The following MARF1 variants were observed in gnomAD, a reference collection of about 807,000 sequenced individuals.
MARF1 encodes limkain-b1.
MARF1 carries 24 observed loss-of-function variants against 168.2 expected under a neutral mutation model. That is an observed-to-expected ratio of 0.14 (90% confidence interval 0.10 to 0.20). MARF1 has a LOEUF of 0.20. Among genes scored for constraint, MARF1 ranks in the 10% least tolerant of loss-of-function variants. The pLI is 1.00. For synonymous variants in MARF1, 868 were observed against 822.4 expected (o/e 1.06, Z -0.95); for missense variants, 1,744 against 2,143.6 (o/e 0.81, Z 3.68).
At chr16:15,633,436 G>T (rs565579162) in intron 5 of MARF1, among the ~76,000 whole-genome samples, 181 bp downstream of exon 5, 73 of 152,186 alleles carry the variant, frequency 4.8e-4, no homozygotes, top group African/African-American at 1.6e-3. Context: ...ATCCTGGCTA[G>T]TTGGGAGGCT....
chr16:15,627,614 A>T (rs28494666), intron 7 of MARF1, among the ~76,000 whole-genome samples: 1 of 151,992 alleles, frequency 6.6e-6, no homozygotes, highest in Admixed American at 6.6e-5. Flanking sequence ...TCTCAAAAAA[A>T]TTTTTTTTAA....
intron 16 of MARF1, 46 bp from the exon 17 acceptor site, chr16:15,612,823 C>T: frequency 1.3e-6 from 2 of 1,547,812 alleles, no homozygotes; most frequent in South Asian, 1.1e-5. Context: ...CAGATTTCAC[C>T]AGCTGAAAGA....
At position 15,639,172 on chromosome 16, in the gene MARF1, T is replaced by C; in HGVS notation, c.62A>G (p.Asp21Gly). Residue 21 changes from aspartate (D) to glycine (G), a missense_variant, in exon 2 of 27, where the codon GAT becomes GGT. Coordinates refer to ENST00000396368, the MANE Select transcript of MARF1 (RefSeq NM_014647.4). ...CCAAAGCCATGGCTTAGCATCATTA[T>C]CTTGTTGAAGCCATCCACGTGTTCT... ...CSRTRGWLQQ[D>G]NDAKPWLWKF... is the part of the protein sequence containing the mutation. The C allele has an allele frequency of 6.2e-7, 1 of 1,614,212 alleles. No individual in the cohort carries two copies.
Position 15,635,709 on chromosome 16 carries a change from C to G in MARF1, c.778G>C (p.Val260Leu). Residue 260 changes from valine (V) to leucine (L), a missense_variant, in exon 3 of 27, where the codon GTA becomes CTA. Transcript: ENST00000396368. ...GAGCCCTTTAAACAAACCGGAGGTA[C>G]CACATTAAGGTGCAAAGAGTTGGTG... Reference protein sequence around the residue: ...LCTNSLHLNVVPPVCLKGSLY... With the variant: ...LCTNSLHLNVLPPVCLKGSLY... 6.2e-7 allele frequency: 1 copy of G among 1,614,146 alleles called. No individual in the cohort carries two copies. The highest frequency in any genetic ancestry group is 8.5e-7 in the Non-Finnish European group (1 of 1,180,046).
rs2031510986 is a variant in MARF1, at chr16:15,594,693, A to G, written c.*2000T>C. 1 of 152,644 alleles carries G rather than the reference A, an allele frequency of 6.6e-6. No individual in the cohort carries two copies. Among genetic ancestry groups the G allele is most frequent in the African/African-American group, 2.4e-5 (1 of 41,450 alleles). The allele number at this position is 152,644 out of a possible 1,614,324, so 9.5% of individuals were successfully genotyped here. On this transcript the variant is annotated 3_prime_UTR_variant, in exon 27 of 27. Transcript: ENST00000396368. ...ATTAAGCCTCTGGATAAAAAAATAG[A>G]TAGCAATTGGACTGGCCATTGTGGA...
At chr16:15,599,175 A>AAAAAAAAC (rs2032139313) in intron 25 of MARF1, 151 bp from the exon 26 acceptor site, 17 of 728,836 alleles carry the variant, frequency 2.3e-5, no homozygotes, top group South Asian at 7.1e-5. Flanking sequence ...AAAAAAAAAA[A>AAAAAAAAC]CAAAAACCCA....
chr16:15,641,563 CTTAG>C (rs1480522377), intron 1 of MARF1, among the ~76,000 whole-genome samples: 1 of 152,138 alleles, frequency 6.6e-6, no homozygotes, highest in Non-Finnish European at 1.5e-5. Flanking sequence ...CAAATATTTA[CTTAG>C]TATCTACTAT....
intron 7 of MARF1, among the ~76,000 whole-genome samples, chr16:15,627,623 AAATAAG>A (rs1870295007): frequency 6.6e-6 from 1 of 152,128 alleles, no homozygotes; most frequent in South Asian, 2.1e-4. Flanking sequence ...AATTTTTTTT[AAATAAG>A]AATAATATTT....
chr16:15,598,006 C>G (rs1217652983), intron 26 of MARF1, among the ~76,000 whole-genome samples: 1 of 152,246 alleles, frequency 6.6e-6, no homozygotes, highest in African/African-American at 2.4e-5. Context: ...AAAAGCCAAG[C>G]CAGGAGTCCA....
chr16:15,622,864 A>G (rs1416210535), intron 11 of MARF1, 70 bp downstream of exon 11: 4 of 1,307,252 alleles, frequency 3.1e-6, no homozygotes, highest in Non-Finnish European at 4.2e-6. Context: ...ATGTATATCA[A>G]ATTAGGTCCT....
At chr16:15,623,426 T>A (rs920003070) in intron 10 of MARF1, among the ~76,000 whole-genome samples, 1 of 151,824 alleles carries the variant, frequency 6.6e-6, no homozygotes, top group Non-Finnish European at 1.5e-5. Context: ...ACTACAGGCA[T>A]GCACCACTAC....
rs1252421256 is a variant in MARF1 at position 15,639,413 on chromosome 16, T to C, written c.-58-122A>G. ...TATGGCTCTCAACAATTCAAATCTT[T>C]GTTTCAAGAGGAAGTCTCGCTCTGT... On this transcript the variant is annotated intron_variant, in intron 1 of 26. Coordinates refer to ENST00000396368, the MANE Select transcript of MARF1 (RefSeq NM_014647.4). 6 of 683,724 alleles carry C rather than the reference T, an allele frequency of 8.8e-6. No individual in the cohort carries two copies. The African/African-American group carries it at 1.1e-4, about 12-fold the overall frequency. The allele number at this position is 683,724 out of a possible 1,614,324, so 42.4% of individuals were successfully genotyped here.
intron 7 of MARF1, 40 bp downstream of exon 7, chr16:15,630,292 T>G: frequency 6.4e-7 from 1 of 1,572,986 alleles, no homozygotes; most frequent in Non-Finnish European, 8.7e-7. Flanking sequence ...CTCCACAATG[T>G]AATATTGGAA....
chr16:15,599,198 AG>A (rs2032146346), intron 25 of MARF1, 174 bp from the exon 26 acceptor site: 2 of 651,184 alleles, frequency 3.1e-6, no homozygotes, highest in East Asian at 2.7e-5. Flanking sequence ...ACCCACTAAC[AG>A]GAAGATCCTG....
intron 18 of MARF1, 69 bp downstream of exon 18, chr16:15,611,523 T>A: frequency 7.1e-7 from 1 of 1,399,342 alleles, no homozygotes; most frequent in Non-Finnish European, 9.9e-7. Flanking sequence ...AGATAACTAT[T>A]TAGAGTTTGG....
Position 15,616,406 on chromosome 16 carries a change from G to A in MARF1, c.3078-401C>T, listed in dbSNP as rs140624030. 6.6e-5 allele frequency among the ~76,000 whole-genome samples: 10 copies of A among 152,302 alleles called. No individual in the cohort carries two copies. The East Asian group carries it at 1.3e-3, about 21-fold the overall frequency. ...ACTTTTCTCTCACAAGTCTTGAAAT[G>A]TATGCATATTTGAAGCTGTGTACTC... On this transcript the variant is annotated intron_variant, in intron 15 of 26. Transcript: ENST00000396368.
chr16:15,596,984 A>G, intron 26 of MARF1, 47 bp from the exon 27 acceptor site: 1 of 1,539,186 alleles, frequency 6.5e-7, no homozygotes, highest in South Asian at 1.2e-5. Context: ...GAACTGTAAG[A>G]AGTGTGGGTT....
intron 26 of MARF1, among the ~76,000 whole-genome samples, 155 bp from the exon 27 acceptor site, chr16:15,597,092 C>A (rs930527278): frequency 6.6e-6 from 1 of 152,178 alleles, no homozygotes; most frequent in African/African-American, 2.4e-5. Context: ...AGTTGTGTGG[C>A]CAGTGAACTT....
chr16:15,622,430 C>G (rs1339890161), intron 11 of MARF1, among the ~76,000 whole-genome samples: 5 of 151,194 alleles, frequency 3.3e-5, no homozygotes, highest in African/African-American at 1.2e-4. Context: ...CTCACTCTGT[C>G]TCCCAGGCCA....
Sources: gnomAD v4.1 joint callset for allele counts (sites outside exome capture counted in the v4.1 genomes callset) on GRCh38, gnomAD v4.1.1 for gene constraint, MANE v1.5 for transcripts, NCBI Gene and HGNC (gene_info 2026-07-23, HGNC 2026-07-21) for gene names.